The following FZR1 variants were observed in gnomAD, a reference collection of about 807,000 sequenced individuals.
The protein encoded by FZR1 is fizzy-related protein homolog.
Under a neutral mutation model 63.6 loss-of-function variants are expected in FZR1, and 11 were observed. The observed-to-expected ratio is 0.17, with a 90% confidence interval of 0.11 to 0.29. The LOEUF (loss-of-function observed/expected upper bound fraction) is 0.29, where lower values mean the gene tolerates loss of function less well. Ranked by LOEUF, FZR1 falls within the 10% of genes least tolerant of loss-of-function variation. The pLI is 1.00. For missense variants in FZR1, 440 were observed against 687.5 expected, an observed-to-expected ratio of 0.64 and a Z score of 4.03; for synonymous variants, 328 against 297.9, an observed-to-expected ratio of 1.10 and a Z score of -1.04.
Position 3,525,432 on chromosome 19 carries a change from C to CTTTTTTT in FZR1, c.70-414_70-408dup, listed in dbSNP as rs57486013. On this transcript the variant is annotated intron_variant, in intron 2 of 13. Transcript: ENST00000441788. This position sits in a 1 kb window ranked among gnomAD's most constrained non-coding sequence, Gnocchi z 4.2. ...TGTGTGGCTCCCCTCCTTGGGTTTT[C>CTTTTTTT]TTTTTTTTTTTTTTTTTTTTTTTTT... is the stretch of plus-strand genomic sequence containing the variant. 1.2e-3 allele frequency among the ~76,000 whole-genome samples: 83 copies of CTTTTTTT among 68,742 alleles called. 4 individuals are homozygous for CTTTTTTT. The highest frequency in any genetic ancestry group is 2.3e-3 in the Admixed American group (12 of 5,130). 45.1% of individuals were successfully genotyped at this position (68,742 alleles called of 152,430 possible).
intron 1 of FZR1, among the ~76,000 whole-genome samples, chr19:3,518,051 G>A (rs112049260): frequency 0.23 from 32,283 of 139,970 alleles, 4,545 homozygotes; most frequent in African/African-American, 0.41. Flanking sequence ...GTCTCACTGT[G>A]TCACCCAGGC....
At chr19:3,524,405 C>T (rs1426385704) in intron 2 of FZR1, among the ~76,000 whole-genome samples, 3 of 152,212 alleles carry the variant, frequency 2.0e-5, no homozygotes, top group Non-Finnish European at 2.9e-5. Context: ...CGTCCTGCCC[C>T]GCAGTCACCC....
At position 3,526,433 on chromosome 19, in the gene FZR1, C is replaced by G; in HGVS notation, c.387+47C>G. The G allele has an allele frequency of 6.8e-7, 1 of 1,481,392 alleles. No individual in the cohort carries two copies. Among genetic ancestry groups the G allele is most frequent in the Non-Finnish European group, 9.1e-7 (1 of 1,096,686 alleles). 91.8% of individuals were successfully genotyped at this position (1,481,392 alleles called of 1,614,324 possible). ...CCCGGGAGCTGGCTCCCAGTGCAGCCTCCCCGGCCCCCCACCTCCCAGGCA... is the reference window on the plus strand; with the variant it reads ...CCCGGGAGCTGGCTCCCAGTGCAGCGTCCCCGGCCCCCCACCTCCCAGGCA... On this transcript the variant is annotated intron_variant, in intron 5 of 13. Coordinates refer to ENST00000441788, the MANE Select transcript of FZR1 (RefSeq NM_016263.4). The surrounding 1 kb of genome is among the most constrained non-coding windows in gnomAD (Gnocchi z 5.4).
At chr19:3,507,544 C>A (rs750484944) in intron 1 of FZR1, among the ~76,000 whole-genome samples, 52 of 152,148 alleles carry the variant, frequency 3.4e-4, no homozygotes, top group Non-Finnish European at 6.3e-4. Context: ...CCGCCCCGCC[C>A]CAGTCTACCG....
At chr19:3,518,850 C>T (rs908526838) in intron 1 of FZR1, among the ~76,000 whole-genome samples, 7 of 152,114 alleles carry the variant, frequency 4.6e-5, no homozygotes, top group African/African-American at 1.4e-4. Flanking sequence ...GGCGACAGAG[C>T]GAGAGACCCT....
chr19:3,529,736 GTGGA>G (rs2083214461), intron 7 of FZR1, among the ~76,000 whole-genome samples: 1 of 150,072 alleles, frequency 6.7e-6, no homozygotes, highest in Non-Finnish European at 1.5e-5. Flanking sequence ...GGATGGGAGA[GTGGA>G]TGGGTGAGCG....
rs374781256 is a variant in FZR1, at chr19:3,534,863, C to T, written c.*27C>T. ...CCTGCCGGGCAGGACCGTGCCACAC[C>T]AGCTGTCCAGAGTCGGAGGACCCCA... On this transcript the variant is annotated 3_prime_UTR_variant, in exon 14 of 14. Transcript: ENST00000441788. 8 of 1,593,814 alleles carry T rather than the reference C, an allele frequency of 5.0e-6. 1 individual carries two copies. In the African/African-American group the frequency reaches 8.0e-5, roughly 16 times the overall value.
chr19:3,529,135 A>AGTGGCTGGTT, intron 7 of FZR1, among the ~76,000 whole-genome samples: 1 of 90,848 alleles, frequency 1.1e-5, no homozygotes, highest in South Asian at 4.0e-4. Context: ...AGCGGATGGG[A>AGTGGCTGGTT]GAGCGGATGG....
At position 3,515,806 on chromosome 19, in the gene FZR1, G is replaced by GGT. The variant is rs1338536231; in HGVS notation, c.-34-7148_-34-7147dup. Reference sequence around the variant, plus strand: ...AAGGAATTCAAGAAGTACAAAACGAGGTGCCAGGAGAAATAAGGCTTCTTT... The same window carrying GGT: ...AAGGAATTCAAGAAGTACAAAACGAGGTGTGCCAGGAGAAATAAGGCTTCTTT... On this transcript the variant is annotated intron_variant, in intron 1 of 13. Coordinates refer to ENST00000441788, the MANE Select transcript of FZR1 (RefSeq NM_016263.4). This position sits in a 1 kb window ranked among gnomAD's most constrained non-coding sequence, Gnocchi z 4.6. Among the ~76,000 whole-genome samples, 1 of 151,288 alleles carries GGT rather than the reference G, an allele frequency of 6.6e-6. No individual in the cohort carries two copies. Among genetic ancestry groups the GGT allele is most frequent in the Non-Finnish European group, 1.5e-5 (1 of 67,904 alleles).
rs745701728 is a variant in FZR1 at position 3,531,913 on chromosome 19, G to A, written c.826G>A (p.Ala276Thr). 1.9e-6 allele frequency: 3 copies of A among 1,593,938 alleles called. No individual in the cohort carries two copies. In the Admixed American group the frequency reaches 5.2e-5, roughly 28 times the overall value. Reference protein sequence around the residue: ...MLEGHTARVGALAWNAEQLSS... With the variant: ...MLEGHTARVGTLAWNAEQLSS... ...CCCCGCTTCCACCTGGCCTCCAGGG[G>A]CGCTGGCCTGGAATGCTGAGCAGCT... The change falls in exon 10 of 14, where the codon GCG becomes ACG. Residue 276 changes from alanine (A) to threonine (T), a missense_variant and splice_region_variant. This residue lies in a region of FZR1 where 208 missense variants were observed against 363.6 expected (regional missense o/e 0.57). Transcript: ENST00000441788.
chr19:3,529,127 CGGATGGGAGAGCGG>C (rs2083199301), intron 7 of FZR1, among the ~76,000 whole-genome samples: 1 of 99,488 alleles, frequency 1.0e-5, no homozygotes, highest in South Asian at 3.7e-4. Flanking sequence ...GATGGGAGAG[CGGATGGGAGAGCGG>C]ATGGGAGAGC....
At chr19:3,528,014 C>T (rs1398488707) in intron 7 of FZR1, among the ~76,000 whole-genome samples, 200 bp downstream of exon 7, 1 of 151,568 alleles carries the variant, frequency 6.6e-6, no homozygotes, top group Non-Finnish European at 1.5e-5. Context: ...CCCTCCCAGT[C>T]AGGGCCTCCC....
chr19:3,530,608 G>A (rs1250329851), intron 7 of FZR1, among the ~76,000 whole-genome samples, 184 bp from the exon 8 acceptor site: 1 of 151,584 alleles, frequency 6.6e-6, no homozygotes, highest in East Asian at 1.9e-4. Flanking sequence ...TTGAGGGAGT[G>A]GATGGGAGAG....
intron 1 of FZR1, among the ~76,000 whole-genome samples, chr19:3,521,613 T>TGCCTCA: frequency 6.6e-6 from 1 of 151,786 alleles, no homozygotes; most frequent in South Asian, 2.1e-4. Flanking sequence ...GCGCTCCTCC[T>TGCCTCA]GCCTCAGCCT....
Position 3,526,857 on chromosome 19 carries a change from C to G in FZR1, c.388-123C>G. ...AGGCGCCTGCCTTTTTACAGCTGCT[C>G]CACACAGGGTCTCAGCACCTGCCTT... On this transcript the variant is annotated intron_variant, in intron 5 of 13. Coordinates refer to ENST00000441788, the MANE Select transcript of FZR1 (RefSeq NM_016263.4). The surrounding 1 kb of genome is among the most constrained non-coding windows in gnomAD (Gnocchi z 5.4). 1.4e-6 allele frequency: 1 copy of G among 707,276 alleles called. No homozygotes were observed. The allele number at this position is 707,276 out of a possible 1,614,324, so 43.8% of individuals were successfully genotyped here. A position where few individuals can be genotyped will look rare whatever the true frequency, so the allele number is the denominator to read the frequency against.
chr19:3,531,966 C>A lies in FZR1; in HGVS notation c.879C>A (p.Ile293=), dbSNP rs1402778882. 1 of 1,582,372 alleles carries A rather than the reference C, an allele frequency of 6.3e-7. No individual in the cohort carries two copies. The highest frequency in any genetic ancestry group is 8.6e-7 in the Non-Finnish European group (1 of 1,168,562). Residue 293 remains isoleucine (I), a synonymous_variant, in exon 10 of 14, where the codon ATC becomes ATA. Transcript: ENST00000441788. The part of the protein sequence containing the change: ...QLSSGSRDRM[I]LQRDIRTPPL... ...CGTCCGGGAGCCGCGACCGCATGAT[C>A]CTGCAGAGGGACATCCGCACCCCGC...
chr19:3,509,320 A>C (rs2083008087), intron 1 of FZR1, among the ~76,000 whole-genome samples: 1 of 152,134 alleles, frequency 6.6e-6, no homozygotes, highest in Non-Finnish European at 1.5e-5. Context: ...GCCGCGCCTC[A>C]TTCAGTCACT....
At chr19:3,529,697 T>TGAGCAGATGGGA (rs2083212518) in intron 7 of FZR1, among the ~76,000 whole-genome samples, 1 of 92,956 alleles carries the variant, frequency 1.1e-5, no homozygotes, top group African/African-American at 7.5e-5. Flanking sequence ...AGTGGATGGT[T>TGAGCAGATGGGA]GAGCGGATGG....
chr19:3,512,958 T>C (rs2083034079), intron 1 of FZR1, among the ~76,000 whole-genome samples: 1 of 152,018 alleles, frequency 6.6e-6, no homozygotes, highest in East Asian at 1.9e-4. Context: ...CATTTTTTTG[T>C]GGGGGGTCTT....
Sources: gnomAD v4.1 joint callset for allele counts (sites outside exome capture counted in the v4.1 genomes callset) on GRCh38, gnomAD v4.1.1 for gene constraint, gnomAD v4.1.1 regional missense constraint, Gnocchi (gnomAD v3.1) non-coding constraint, MANE v1.5 for transcripts, NCBI Gene and HGNC (gene_info 2026-07-23, HGNC 2026-07-21) for gene names.